LINGO2: variants seen among roughly 807,000 people sequenced by gnomAD.
LINGO2 encodes leucine-rich repeat and immunoglobulin-like domain-containing nogo receptor-interacting protein 2.
In LINGO2, 14 loss-of-function variants were observed where a neutral mutation model predicts 30.6. The ratio of observed to expected loss-of-function variants is 0.46; its 90% confidence interval spans 0.30 to 0.72. The LOEUF is 0.72. Among genes scored for constraint, LINGO2 ranks in the 30% least tolerant of loss-of-function variants. The pLI, the probability that LINGO2 is intolerant of heterozygous loss-of-function variation, is 0.07. For synonymous variants in LINGO2, 317 were observed against 288.5 expected, an observed-to-expected ratio of 1.10 and a Z score of -1.00; for missense variants, 729 against 751.7, an observed-to-expected ratio of 0.97 and a Z score of 0.35.
chr9:28,663,831 G>A (rs1828682162), intron 1 of LINGO2, among the ~76,000 whole-genome samples: 1 of 152,032 alleles, frequency 6.6e-6, no homozygotes, highest in African/African-American at 2.4e-5. Context: ...CTGAAAAAAT[G>A]CATAAGGATT....
rs569260187 is a variant in LINGO2, at chr9:28,107,110, C to T, written c.-86-94705G>A. Among the ~76,000 whole-genome samples, 3 of 152,180 alleles carry T rather than the reference C, an allele frequency of 2.0e-5. No homozygotes were observed. The East Asian group carries it at 5.8e-4, about 29-fold the overall frequency. The stretch of plus-strand genomic sequence containing the variant: ...TCCTCCAGATGGTTTCCTTGTCTTC[C>T]CAATGCTGCCTTCTATTATACGTTC... On this transcript the variant is annotated intron_variant, in intron 4 of 5. Coordinates refer to ENST00000379992, the Ensembl canonical transcript of LINGO2.
chr9:28,235,637 A>G (rs1478821439), intron 4 of LINGO2, among the ~76,000 whole-genome samples: 4 of 152,210 alleles, frequency 2.6e-5, no homozygotes, highest in African/African-American at 7.2e-5. Context: ...TAAATTTAAC[A>G]GAGATTGTAA....
chr9:28,629,015 T>C (rs1019961268), intron 1 of LINGO2, among the ~76,000 whole-genome samples: 3 of 152,134 alleles, frequency 2.0e-5, no homozygotes, highest in Non-Finnish European at 4.4e-5. Context: ...TATGCATTTA[T>C]TGAACATTTA....
chr9:29,030,733 A>C, the LINGO2 span, among the ~76,000 whole-genome samples: 1 of 152,172 alleles, frequency 6.6e-6, no homozygotes, highest in African/African-American at 2.4e-5. Flanking sequence ...CCCACTGTAA[A>C]GATTTTTTTC....
intron 5 of LINGO2, among the ~76,000 whole-genome samples, chr9:28,007,294 C>T (rs1366462293): frequency 1.3e-5 from 2 of 151,932 alleles, no homozygotes; most frequent in African/African-American, 2.4e-5. Context: ...TAACAGACAC[C>T]CTGGAGAGTC....
intron 3 of LINGO2, among the ~76,000 whole-genome samples, chr9:28,296,703 G>A (rs763189253): frequency 1.3e-5 from 2 of 152,130 alleles, no homozygotes; most frequent in Non-Finnish European, 1.5e-5. Flanking sequence ...AAACAAAGAG[G>A]TGTATATGTG....
chr9:28,162,242 G>A (rs766307273), intron 4 of LINGO2, among the ~76,000 whole-genome samples: 11 of 152,110 alleles, frequency 7.2e-5, no homozygotes, highest in Non-Finnish European at 1.3e-4. Context: ...TCAGTCAGGG[G>A]CCATTTCAGT....
At chr9:28,008,486 G>GA (rs869128787) in intron 5 of LINGO2, among the ~76,000 whole-genome samples, 1 of 10,784 alleles carries the variant, frequency 9.3e-5, no homozygotes, top group African/African-American at 1.3e-4. Flanking sequence ...GTTATGGAAG[G>GA]AAAAAAAGGA....
chr9:29,200,136 T>C, the LINGO2 span, among the ~76,000 whole-genome samples: 10 of 152,056 alleles, frequency 6.6e-5, no homozygotes, highest in East Asian at 1.9e-3. Flanking sequence ...AAACCAAAAT[T>C]AAAGATAAAA....
Position 28,357,032 on chromosome 9 carries a change from T to G in LINGO2, c.-246+15804A>C, listed in dbSNP as rs113245665. On this transcript the variant is annotated intron_variant, in intron 3 of 5. Transcript: ENST00000379992. ...TAGGCTCCTATGCAATCAATTTCAC[T>G]AAATGAATGTGGCAATAATGCATTC... Among the ~76,000 whole-genome samples the G allele has an allele frequency of 5.7e-3, 871 of 152,268 alleles. 8 individuals carry two copies. Among genetic ancestry groups the G allele is most frequent in the African/African-American group, 0.02 (842 of 41,566 alleles).
the LINGO2 span, among the ~76,000 whole-genome samples, chr9:28,692,410 G>C: frequency 6.6e-6 from 1 of 152,110 alleles, no homozygotes; most frequent in Non-Finnish European, 1.5e-5. Context: ...AAGGGTCGGA[G>C]GTTGCAATGA....
At chr9:28,241,006 C>T (rs1234246690) in intron 4 of LINGO2, among the ~76,000 whole-genome samples, 1 of 152,062 alleles carries the variant, frequency 6.6e-6, no homozygotes, top group East Asian at 1.9e-4. Context: ...CACAGTGGCT[C>T]ACGCCTGTAA....
At chr9:28,003,340 T>TAG (rs1200818945) in intron 5 of LINGO2, among the ~76,000 whole-genome samples, 113 of 132,130 alleles carry the variant, frequency 8.6e-4, no homozygotes, top group African/African-American at 2.8e-3. Flanking sequence ...GATATATAGA[T>TAG]ATATAGATAG....
At chr9:28,091,135 T>C (rs940826970) in intron 4 of LINGO2, among the ~76,000 whole-genome samples, 1 of 152,034 alleles carries the variant, frequency 6.6e-6, no homozygotes, top group Non-Finnish European at 1.5e-5. Context: ...AATGGCCATA[T>C]TGCCCAAGGT....
At chr9:28,629,246 A>G (rs1025963412) in intron 1 of LINGO2, among the ~76,000 whole-genome samples, 2 of 152,094 alleles carry the variant, frequency 1.3e-5, no homozygotes, top group Non-Finnish European at 2.9e-5. Flanking sequence ...TTCTGAAGCT[A>G]TCTGGAAAAT....
chr9:28,281,688 A>G lies in LINGO2; in HGVS notation c.-87+13520T>C, dbSNP rs963551632. The stretch of plus-strand genomic sequence containing the variant: ...AATAGAGATGTGGATAGCAGCTCAT[A>G]CAAGGATAGGTGATATCACAAATAC... On this transcript the variant is annotated intron_variant, in intron 4 of 5. Transcript: ENST00000379992. Among the ~76,000 whole-genome samples, 5 of 152,098 alleles carry G rather than the reference A, an allele frequency of 3.3e-5. No homozygotes were observed. In the East Asian group the frequency reaches 9.6e-4, roughly 29 times the overall value.
At chr9:29,038,512 A>G in the LINGO2 span, among the ~76,000 whole-genome samples, 1 of 151,888 alleles carries the variant, frequency 6.6e-6, no homozygotes, top group Non-Finnish European at 1.5e-5. Context: ...TTTTCCCCAC[A>G]TGAAACCTAA....
chr9:28,042,737 C>G (rs1205001990), intron 4 of LINGO2, among the ~76,000 whole-genome samples: 1 of 152,176 alleles, frequency 6.6e-6, no homozygotes, highest in Non-Finnish European at 1.5e-5. Context: ...GTTCTGCAAT[C>G]AATATCATCT....
the LINGO2 span, among the ~76,000 whole-genome samples, chr9:28,701,407 G>C: frequency 6.6e-6 from 1 of 151,806 alleles, no homozygotes; most frequent in Non-Finnish European, 1.5e-5. Context: ...TTGATGAAGA[G>C]GCTATTTTTT....
Sources: allele counts gnomAD v4.1 joint callset (sites outside exome capture counted in the v4.1 genomes callset), GRCh38; gene constraint gnomAD v4.1.1; transcripts MANE v1.5; gene names NCBI Gene and HGNC (gene_info 2026-07-23, HGNC 2026-07-21).